XXYLT1: variants seen among roughly 807,000 people sequenced by gnomAD.
XXYLT1 encodes xyloside xylosyltransferase 1, also known as UDP-xylose:alpha-xyloside alpha-1,3-xylosyltransferase.
In XXYLT1, 20 loss-of-function variants were observed where a neutral mutation model predicts 28.9. The observed-to-expected ratio is 0.69, with a 90% CI of 0.49 to 1.00. The LOEUF is 1.00. Ranked by LOEUF, XXYLT1 falls within the 50% of genes least tolerant of loss-of-function variation. The probability of loss-of-function intolerance (pLI) is 0.00; values close to 1 mark genes in which losing one functional copy is unlikely to be tolerated. For synonymous variants in XXYLT1, 257 were observed against 253.8 expected (o/e 1.01, Z -0.12); for missense variants, 542 against 560.1 (o/e 0.97, Z 0.33).
intron 3 of XXYLT1, among the ~76,000 whole-genome samples, chr3:195,103,416 G>A (rs62290288): frequency 0.033 from 3,442 of 105,140 alleles, 184 homozygotes; most frequent in Admixed American, 0.11. Context: ...ATCACCCCAC[G>A]CCAGCGGCCT....
chr3:195,197,417 ACAGAGTGAGACT>A (rs1213858577), intron 2 of XXYLT1, among the ~76,000 whole-genome samples: 1 of 151,718 alleles, frequency 6.6e-6, no homozygotes, highest in Non-Finnish European at 1.5e-5. Flanking sequence ...AGCCTGGGCA[ACAGAGTGAGACT>A]CAGTCTCAAT....
chr3:195,183,891 T>A (rs985853203), intron 2 of XXYLT1, among the ~76,000 whole-genome samples: 1 of 152,184 alleles, frequency 6.6e-6, no homozygotes, highest in East Asian at 1.9e-4. Flanking sequence ...GCCTGACACT[T>A]CCCAGGATCG....
At chr3:195,084,141 CA>C (rs1309493405) in intron 3 of XXYLT1, among the ~76,000 whole-genome samples, 7 of 152,196 alleles carry the variant, frequency 4.6e-5, no homozygotes, top group Non-Finnish European at 1.0e-4. Flanking sequence ...TGAGAAATAA[CA>C]TCACAGAAAG....
intron 3 of XXYLT1, among the ~76,000 whole-genome samples, chr3:195,072,456 C>A (rs542188509): frequency 6.6e-6 from 1 of 152,272 alleles, no homozygotes; most frequent in South Asian, 2.1e-4. Flanking sequence ...AGTGAACTAG[C>A]ACTGAGCTCG....
At position 195,078,368 on chromosome 3, in the gene XXYLT1, G is replaced by A. The variant is rs112493079; in HGVS notation, c.786-8257C>T. Among the ~76,000 whole-genome samples, 30 of 152,200 alleles carry A rather than the reference G, an allele frequency of 2.0e-4. No individual in the cohort carries two copies. The highest frequency in any genetic ancestry group is 6.7e-4 in the African/African-American group (28 of 41,526). On this transcript the variant is annotated intron_variant, in intron 3 of 3. Transcript: ENST00000310380. The surrounding 1 kb of genome is among the most constrained non-coding windows in gnomAD (Gnocchi z 5.0). ...CACTGACAGCCGAGAGGCCCGTAGCGAGTCAGGCCATGGGGGCCTTTTCTG... is the reference window on the plus strand; with the variant it reads ...CACTGACAGCCGAGAGGCCCGTAGCAAGTCAGGCCATGGGGGCCTTTTCTG...
chr3:195,161,346 C>A (rs1720860577), intron 2 of XXYLT1, among the ~76,000 whole-genome samples: 1 of 152,192 alleles, frequency 6.6e-6, no homozygotes, highest in Non-Finnish European at 1.5e-5. Context: ...AGCCTTCGGA[C>A]ATCTCTGAAG....
chr3:195,098,137 G>T (rs551174883), intron 3 of XXYLT1, among the ~76,000 whole-genome samples: 4 of 152,302 alleles, frequency 2.6e-5, no homozygotes, highest in African/African-American at 9.6e-5. Flanking sequence ...GGCAGGAAAT[G>T]GGAAGTTATT....
intron 2 of XXYLT1, among the ~76,000 whole-genome samples, chr3:195,161,766 C>T (rs1361101623): frequency 2.0e-5 from 3 of 151,668 alleles, no homozygotes; most frequent in African/African-American, 7.3e-5. Context: ...TCCTGAGGCA[C>T]GCCACCATAC....
intron 1 of XXYLT1, among the ~76,000 whole-genome samples, chr3:195,227,241 G>C (rs1724098796): frequency 6.6e-6 from 1 of 152,160 alleles, no homozygotes. Flanking sequence ...GAGAGTGTGT[G>C]ATCCTCATCA....
chr3:195,244,552 G>A (rs1444291621), intron 1 of XXYLT1, among the ~76,000 whole-genome samples: 1 of 151,008 alleles, frequency 6.6e-6, no homozygotes, highest in African/African-American at 2.4e-5. Flanking sequence ...ACCTGAGGTC[G>A]GCTGTTCGAG....
intron 2 of XXYLT1, among the ~76,000 whole-genome samples, chr3:195,222,922 G>C (rs1324622125): frequency 6.6e-6 from 1 of 152,110 alleles, no homozygotes; most frequent in East Asian, 1.9e-4. Flanking sequence ...ATATAAAGAA[G>C]ATAAAGAATC....
chr3:195,109,379 AGTGTAT>A (rs1047570552), intron 3 of XXYLT1, among the ~76,000 whole-genome samples: 2 of 116,998 alleles, frequency 1.7e-5, no homozygotes, highest in African/African-American at 6.5e-5. Context: ...GCATGTGTGT[AGTGTAT>A]AAGTGTGCAT....
At chr3:195,123,147 T>TAGGTA (rs1718449180) in intron 3 of XXYLT1, among the ~76,000 whole-genome samples, 1 of 152,100 alleles carries the variant, frequency 6.6e-6, no homozygotes, top group Admixed American at 6.5e-5. Flanking sequence ...CCAATATTTT[T>TAGGTA]AGGTATCTTC....
intron 2 of XXYLT1, among the ~76,000 whole-genome samples, chr3:195,224,471 C>T (rs1000028339): frequency 6.6e-6 from 1 of 152,220 alleles, no homozygotes; most frequent in African/African-American, 2.4e-5. Context: ...TCACCCTCTC[C>T]CAGAGCTTAG....
intron 2 of XXYLT1, among the ~76,000 whole-genome samples, chr3:195,193,480 A>G (rs1488447242): frequency 6.6e-6 from 1 of 152,228 alleles, no homozygotes; most frequent in Non-Finnish European, 1.5e-5. Flanking sequence ...TTCCTCCCAG[A>G]CTGATATGTA....
intron 3 of XXYLT1, among the ~76,000 whole-genome samples, chr3:195,109,656 TGC>T (rs202092782): frequency 6.9e-6 from 1 of 145,240 alleles, no homozygotes; most frequent in African/African-American, 2.6e-5. Context: ...GGTGTATGTG[TGC>T]GTGTGTGTGG....
intron 2 of XXYLT1, among the ~76,000 whole-genome samples, chr3:195,177,288 G>A (rs113404211): frequency 0.019 from 2,908 of 152,256 alleles, 94 homozygotes; most frequent in African/African-American, 0.067. Context: ...ACTGTATCTT[G>A]CCCTTTTATC....
In XXYLT1 at chr3:195,176,967, C is replaced by T. The variant is rs774210566; in HGVS notation, c.653-20386G>A. Among the ~76,000 whole-genome samples the T allele has an allele frequency of 1.4e-4, 21 of 152,220 alleles. No individual in the cohort carries two copies. The highest frequency in any genetic ancestry group is 2.4e-4 in the Non-Finnish European group (16 of 68,028). On this transcript the variant is annotated intron_variant, in intron 2 of 3. Transcript: ENST00000310380. The surrounding 1 kb of genome is among the most constrained non-coding windows in gnomAD (Gnocchi z 4.9). The stretch of plus-strand genomic sequence containing the variant: ...CCTGCTGCCGCTGCTGACGTCCCCC[C>T]GCCACAGCAGGTCGGGGACCACATG...
intron 1 of XXYLT1, among the ~76,000 whole-genome samples, chr3:195,259,034 T>C (rs1368795202): frequency 6.6e-6 from 1 of 152,190 alleles, no homozygotes; most frequent in Non-Finnish European, 1.5e-5. Context: ...GTACCATTAT[T>C]AGCAGCCACC....
Sources: gnomAD v4.1 joint callset for allele counts (sites outside exome capture counted in the v4.1 genomes callset) on GRCh38, gnomAD v4.1.1 for gene constraint, Gnocchi (gnomAD v3.1) non-coding constraint, MANE v1.5 for transcripts, NCBI Gene and HGNC (gene_info 2026-07-23, HGNC 2026-07-21) for gene names.